The following NRG1 variants were observed in gnomAD, a reference collection of about 807,000 sequenced individuals.
NRG1 encodes the protein neuregulin 1, also known as pro-neuregulin-1, membrane-bound isoform.
A neutral mutation model predicts 63.8 loss-of-function variants in NRG1; 18 were observed. The ratio of observed to expected loss-of-function variants is 0.28; its 90% confidence interval spans 0.19 to 0.42. The LOEUF (loss-of-function observed/expected upper bound fraction) is 0.42. NRG1 is among the 10% of genes least tolerant of loss of function. NRG1 has a pLI of 1.00. For synonymous variants in NRG1, 302 were observed against 301.3 expected (o/e 1.00, Z -0.02); for missense variants, 762 against 814.7 (o/e 0.94, Z 0.79).
chr8:32,213,816 T>C (rs943008055), intron 1 of NRG1, among the ~76,000 whole-genome samples: 4 of 151,620 alleles, frequency 2.6e-5, no homozygotes, highest in African/African-American at 9.7e-5. Context: ...GAAGCAGGAG[T>C]TTATTAGTGT....
downstream of NRG1, among the ~76,000 whole-genome samples, chr8:32,771,303 T>TGG (rs1831772335): frequency 1.0e-5 from 1 of 99,798 alleles, no homozygotes; most frequent in African/African-American, 3.3e-5. Flanking sequence ...TTTTTTTTTT[T>TGG]TTGGTAGGGA....
chr8:31,959,358 T>C (rs912352025), intron 1 of NRG1, among the ~76,000 whole-genome samples: 1 of 152,222 alleles, frequency 6.6e-6, no homozygotes, highest in Non-Finnish European at 1.5e-5. Flanking sequence ...AACATATATG[T>C]ATTACCTGCT....
At chr8:31,903,706 G>A (rs1427258641) in intron 1 of NRG1, among the ~76,000 whole-genome samples, 1 of 152,130 alleles carries the variant, frequency 6.6e-6, no homozygotes, top group Non-Finnish European at 1.5e-5. Flanking sequence ...TGTAATCCCA[G>A]CCCTTCGGGA....
intron 1 of NRG1, among the ~76,000 whole-genome samples, chr8:31,661,883 G>C (rs1402110561): frequency 6.6e-6 from 1 of 152,220 alleles, no homozygotes; most frequent in East Asian, 1.9e-4. Flanking sequence ...TACAGAGACA[G>C]TGCTGAACAA....
chr8:31,933,285 G>GTT (rs201748443), intron 1 of NRG1, among the ~76,000 whole-genome samples: 5 of 134,474 alleles, frequency 3.7e-5, no homozygotes, highest in Admixed American at 1.4e-4. Flanking sequence ...TATTATCCTC[G>GTT]TTTTTTTTTT....
At chr8:31,903,626 T>A (rs566317421) in intron 1 of NRG1, among the ~76,000 whole-genome samples, 2 of 152,232 alleles carry the variant, frequency 1.3e-5, no homozygotes, top group African/African-American at 4.8e-5. Flanking sequence ...CTGGTTTTCA[T>A]ATCTAAATTT....
intron 1 of NRG1, among the ~76,000 whole-genome samples, chr8:32,229,132 G>A (rs184161671): frequency 3.5e-4 from 53 of 152,248 alleles, no homozygotes; most frequent in African/African-American, 1.2e-3. Flanking sequence ...TTAGTGCACC[G>A]GAAAGATGCA....
chr8:32,667,979 G>A (rs566864487), intron 5 of NRG1, among the ~76,000 whole-genome samples: 28 of 152,176 alleles, frequency 1.8e-4, no homozygotes, highest in African/African-American at 6.5e-4. Flanking sequence ...TTGGGAGGCC[G>A]AGGCAAGCGG....
intron 1 of NRG1, among the ~76,000 whole-genome samples, chr8:32,240,753 G>A (rs1170736421): frequency 6.6e-6 from 1 of 151,888 alleles, no homozygotes; most frequent in Non-Finnish European, 1.5e-5. Context: ...CATTTTTTTA[G>A]AATTTCCTGT....
At chr8:32,608,102 T>G (rs58964893) in intron 3 of NRG1, among the ~76,000 whole-genome samples, 52,776 of 113,818 alleles carry the variant, frequency 0.46, 10,441 homozygotes, top group East Asian at 0.72. Context: ...GTTTTTTTTT[T>G]TTTTGTTTTT....
chr8:32,256,068 A>G (rs1328153721), intron 1 of NRG1, among the ~76,000 whole-genome samples: 5 of 152,084 alleles, frequency 3.3e-5, no homozygotes, highest in Admixed American at 2.0e-4. Flanking sequence ...TCAGGTCTTT[A>G]TGTTCTTCTG....
intron 1 of NRG1, among the ~76,000 whole-genome samples, chr8:31,718,037 T>A (rs1229235304): frequency 6.6e-6 from 1 of 152,222 alleles, no homozygotes; most frequent in Non-Finnish European, 1.5e-5. Context: ...GTCAGAGACA[T>A]AAAAATGTCT....
At chr8:32,067,777 T>G (rs1825104756) in intron 1 of NRG1, among the ~76,000 whole-genome samples, 1 of 152,186 alleles carries the variant, frequency 6.6e-6, no homozygotes, top group Non-Finnish European at 1.5e-5. Context: ...TTATATATTA[T>G]CCATACACGA....
chr8:32,614,654 A>C (rs1044896083), intron 4 of NRG1, 90 bp downstream of exon 4: 2 of 1,176,206 alleles, frequency 1.7e-6, no homozygotes, highest in Admixed American at 1.8e-5. Flanking sequence ...CCCCTTCTGC[A>C]TCCAGACCTC....
In NRG1 at chr8:32,548,392, C is replaced by T. The variant is rs1833372576; in HGVS notation, c.-335C>T. 1.0e-5 allele frequency: 11 copies of T among 1,060,260 alleles called. No homozygotes were observed. In the Admixed American group the frequency reaches 6.0e-4, roughly 58 times the overall value. 65.7% of individuals were successfully genotyped at this position (1,060,260 alleles called of 1,614,324 possible). On this transcript the variant is annotated 5_prime_UTR_variant, in exon 1 of 12. It adds an upstream start codon to the 5' untranslated region. Coordinates refer to ENST00000356819, the Ensembl canonical transcript of NRG1. ...CCGGACGATGGGAGCGTGAGCAGGA[C>T]GGTGATAACCTCTCCCCGATCGGGT...
chr8:32,262,885 T>C (rs1850538087), intron 1 of NRG1, among the ~76,000 whole-genome samples: 1 of 152,050 alleles, frequency 6.6e-6, no homozygotes, highest in Admixed American at 6.6e-5. Context: ...ATCATGAGAG[T>C]TTGCCAAGCT....
chr8:32,323,025 C>T (rs1163795210), intron 1 of NRG1, among the ~76,000 whole-genome samples: 1 of 151,916 alleles, frequency 6.6e-6, no homozygotes, highest in Admixed American at 6.6e-5. Context: ...CTATGGCCCT[C>T]GATACAGTCA....
At chr8:32,135,424 G>A (rs28433353) in intron 1 of NRG1, among the ~76,000 whole-genome samples, 62,064 of 151,784 alleles carry the variant, frequency 0.41, 13,870 homozygotes, top group Admixed American at 0.5. Flanking sequence ...AGTGGTGGTA[G>A]TGAAGATGCA....
chr8:32,655,341 G>T, intron 5 of NRG1, among the ~76,000 whole-genome samples: 1 of 152,150 alleles, frequency 6.6e-6, no homozygotes, highest in Non-Finnish European at 1.5e-5. Flanking sequence ...TCTACCTCTT[G>T]CATGCTGTGT....
Sources: gnomAD v4.1 joint callset for allele counts (sites outside exome capture counted in the v4.1 genomes callset) on GRCh38, gnomAD v4.1.1 for gene constraint, MANE v1.5 for transcripts, NCBI Gene and HGNC (gene_info 2026-07-23, HGNC 2026-07-21) for gene names.